HTR2C: variants seen among roughly 807,000 people sequenced by gnomAD.
HTR2C encodes the protein 5-hydroxytryptamine receptor 2C, also known as 5-hydroxytryptamine (serotonin) receptor 2C, G protein-coupled.
A neutral mutation model predicts 21.0 loss-of-function variants in HTR2C; 5 were observed. The ratio of observed to expected loss-of-function variants is 0.24; its 90% CI spans 0.12 to 0.50. The LOEUF is 0.50. Ranked by LOEUF, HTR2C falls within the 20% of genes least tolerant of loss-of-function variation. The probability of loss-of-function intolerance (pLI) is 0.98; values close to 1 mark genes in which losing one functional copy is unlikely to be tolerated. For synonymous variants in HTR2C, 150 were observed against 145.3 expected (o/e 1.03, Z -0.23); for missense variants, 271 against 371.2 (o/e 0.73, Z 2.22).
intron 2 of HTR2C, among the ~76,000 whole-genome samples, chrX:114,715,620 G>A (rs952799343): frequency 3.6e-5 from 4 of 111,388 alleles, no homozygotes; most frequent in African/African-American, 1.3e-4. Context: ...TTAACTCACC[G>A]GTATAAAATA....
chrX:114,880,101 G>C (rs1556479552), intron 5 of HTR2C, among the ~76,000 whole-genome samples: 1 of 109,711 alleles, frequency 9.1e-6, no homozygotes, highest in African/African-American at 3.3e-5. Flanking sequence ...TGTATAATTA[G>C]TAGTGTTTAG....
chrX:114,802,865 A>G (rs1321528390), intron 4 of HTR2C, among the ~76,000 whole-genome samples: 2 of 86,077 alleles, frequency 2.3e-5, no homozygotes, highest in African/African-American at 4.2e-5. Context: ...ATATCTCCCA[A>G]TGCTATCCCT....
intron 4 of HTR2C, among the ~76,000 whole-genome samples, chrX:114,805,974 TACACC>T: frequency 3.4e-5 from 1 of 29,615 alleles, no homozygotes; most frequent in African/African-American, 7.1e-5. Flanking sequence ...ACCATATATA[TACACC>T]ATATATATAC....
At chrX:114,848,410 A>G (rs1304218426) in intron 5 of HTR2C, among the ~76,000 whole-genome samples, 1 of 112,360 alleles carries the variant, frequency 8.9e-6, no homozygotes, top group East Asian at 2.8e-4. Flanking sequence ...GTAAATATAA[A>G]GTTTCCATTT....
intron 2 of HTR2C, among the ~76,000 whole-genome samples, chrX:114,709,983 C>T (rs1265007369): frequency 1.8e-5 from 2 of 111,663 alleles, no homozygotes; most frequent in Non-Finnish European, 3.8e-5. Context: ...CGTGACTCTT[C>T]GGGCTTTTTG....
At chrX:114,769,164 TA>T (rs1828535052) in intron 4 of HTR2C, among the ~76,000 whole-genome samples, 1 of 111,752 alleles carries the variant, frequency 8.9e-6, no homozygotes, top group African/African-American at 3.2e-5. Flanking sequence ...CTATTGCTAT[TA>T]TTTATTCAAT....
At chrX:114,603,332 G>C (rs1928227483) in intron 1 of HTR2C, among the ~76,000 whole-genome samples, 1 of 110,195 alleles carries the variant, frequency 9.1e-6, no homozygotes, top group Admixed American at 9.7e-5. Flanking sequence ...ATTTGACATA[G>C]TTTGTGATTT....
intron 5 of HTR2C, among the ~76,000 whole-genome samples, chrX:114,856,298 A>G (rs2070961245): frequency 1.0e-5 from 1 of 99,235 alleles, no homozygotes; most frequent in African/African-American, 3.7e-5. Flanking sequence ...AGAACTACAA[A>G]CCACTGCTCA....
chrX:114,593,160 G>A (rs1316534461), intron 1 of HTR2C, among the ~76,000 whole-genome samples: 1 of 112,083 alleles, frequency 8.9e-6, no homozygotes, highest in Non-Finnish European at 1.9e-5. Flanking sequence ...AAGTCATCTA[G>A]GTTACACTCA....
intron 1 of HTR2C, among the ~76,000 whole-genome samples, chrX:114,592,543 A>T (rs955917430): frequency 1.8e-5 from 2 of 111,325 alleles, no homozygotes; most frequent in Non-Finnish European, 3.8e-5. Context: ...TTAAAAAAAC[A>T]CTCTATCCCT....
intron 5 of HTR2C, among the ~76,000 whole-genome samples, chrX:114,902,855 C>T (rs1556485605): frequency 1.8e-5 from 2 of 111,715 alleles, no homozygotes; most frequent in African/African-American, 3.3e-5. Context: ...AGGTGACCTG[C>T]CCACCTCGGC....
chrX:114,845,049 A>G (rs981901252), intron 4 of HTR2C, among the ~76,000 whole-genome samples: 1 of 111,348 alleles, frequency 9.0e-6, no homozygotes, highest in Non-Finnish European at 1.9e-5. Flanking sequence ...ATTCCATCTA[A>G]TAACAACAAT....
intron 4 of HTR2C, among the ~76,000 whole-genome samples, chrX:114,781,063 A>G (rs782436246): frequency 8.9e-6 from 1 of 111,979 alleles, no homozygotes; most frequent in African/African-American, 3.2e-5. Flanking sequence ...TTTTTATAGT[A>G]ATTTGTAGAG....
intron 1 of HTR2C, among the ~76,000 whole-genome samples, chrX:114,598,147 T>C (rs782213250): frequency 1.3e-4 from 14 of 111,753 alleles, no homozygotes; most frequent in Admixed American, 7.6e-4. Context: ...TCAGAGAAGA[T>C]TGTAAGAGCA....
intron 1 of HTR2C, among the ~76,000 whole-genome samples, chrX:114,597,217 C>CT (rs1569476320): frequency 0.016 from 606 of 36,734 alleles, 10 homozygotes; most frequent in African/African-American, 0.076. Flanking sequence ...GATTTCATCT[C>CT]CAAAAAAAAA....
chrX:114,597,754 C>T (rs1164923948), intron 1 of HTR2C, among the ~76,000 whole-genome samples: 1 of 111,287 alleles, frequency 9.0e-6, no homozygotes, highest in Non-Finnish European at 1.9e-5. Flanking sequence ...GATAGAATTT[C>T]GAACAATCCA....
intron 1 of HTR2C, among the ~76,000 whole-genome samples, chrX:114,595,280 C>T (rs899686363): frequency 9.0e-6 from 1 of 110,854 alleles, no homozygotes; most frequent in Non-Finnish European, 1.9e-5. Flanking sequence ...TGCAGTCATG[C>T]GATCATAGCT....
chrX:114,903,127 T>C (rs1442947328), intron 5 of HTR2C, among the ~76,000 whole-genome samples: 2 of 111,831 alleles, frequency 1.8e-5, no homozygotes, highest in Non-Finnish European at 3.8e-5. Context: ...TGAGAACTGC[T>C]GACACTTACC....
chrX:114,735,664 A>T (rs2069583037), intron 4 of HTR2C, among the ~76,000 whole-genome samples: 2 of 55,285 alleles, frequency 3.6e-5, no homozygotes. Context: ...AAAACTGGCA[A>T]ATCAGAAAGT....
Sources: allele counts gnomAD v4.1 joint callset (sites outside exome capture counted in the v4.1 genomes callset), GRCh38; gene constraint gnomAD v4.1.1; transcripts MANE v1.5; gene names NCBI Gene and HGNC (gene_info 2026-07-23, HGNC 2026-07-21).